The following ANKS1B variants were observed in gnomAD, a reference collection of about 807,000 sequenced individuals.
ANKS1B encodes ankyrin repeat and sterile alpha motif domain-containing protein 1B.
Under a neutral mutation model 148.3 loss-of-function variants are expected in ANKS1B, and 36 were observed. That is an observed-to-expected ratio of 0.24 (90% CI 0.19 to 0.32). ANKS1B has a LOEUF of 0.32. Among genes scored for constraint, ANKS1B ranks in the 10% least tolerant of loss-of-function variants. The probability of loss-of-function intolerance (pLI) is 1.00; values close to 1 mark genes in which losing one functional copy is unlikely to be tolerated. For synonymous variants in ANKS1B, 542 were observed against 560.8 expected, an observed-to-expected ratio of 0.97 and a Z score of 0.47; for missense variants, 1,157 against 1,542.6, an observed-to-expected ratio of 0.75 and a Z score of 4.19.
At chr12:99,323,795 G>A (rs2085777691) in intron 12 of ANKS1B, among the ~76,000 whole-genome samples, 1 of 152,184 alleles carries the variant, frequency 6.6e-6, no homozygotes, top group South Asian at 2.1e-4. Context: ...AGATCAATAT[G>A]TAGGTAAGAG....
intron 8 of ANKS1B, among the ~76,000 whole-genome samples, chr12:99,693,049 T>C (rs2053355633): frequency 6.6e-6 from 1 of 152,026 alleles, no homozygotes; most frequent in African/African-American, 2.4e-5. Flanking sequence ...CCCTGGAAAA[T>C]ACAACTGACA....
At chr12:98,790,088 T>A (rs1052939117) in intron 22 of ANKS1B, among the ~76,000 whole-genome samples, 2 of 152,082 alleles carry the variant, frequency 1.3e-5, no homozygotes, top group African/African-American at 2.4e-5. Context: ...TGTAATAAAA[T>A]TTTAAAAATG....
chr12:98,902,345 C>A (rs1308666222), intron 17 of ANKS1B, among the ~76,000 whole-genome samples: 1 of 152,178 alleles, frequency 6.6e-6, no homozygotes, highest in Non-Finnish European at 1.5e-5. Context: ...CTTTAAGCAA[C>A]AGAACAGCCA....
At chr12:99,741,389 T>A (rs1432629054) in intron 8 of ANKS1B, among the ~76,000 whole-genome samples, 1 of 152,100 alleles carries the variant, frequency 6.6e-6, no homozygotes, top group East Asian at 1.9e-4. Context: ...GCAATCCCAT[T>A]ACTGGGTATA....
At chr12:99,115,971 A>G (rs1042157408) in intron 15 of ANKS1B, among the ~76,000 whole-genome samples, 1 of 149,854 alleles carries the variant, frequency 6.7e-6, no homozygotes, top group Non-Finnish European at 1.5e-5. Context: ...CTTAAGCTGG[A>G]TTGCCTGTGT....
At chr12:98,774,035 C>T (rs1458730346) in intron 24 of ANKS1B, among the ~76,000 whole-genome samples, 1 of 152,216 alleles carries the variant, frequency 6.6e-6, no homozygotes, top group Non-Finnish European at 1.5e-5. Flanking sequence ...TCCGTGGAAA[C>T]TAAGGTGCAG....
At chr12:99,109,028 A>G (rs2059774660) in intron 15 of ANKS1B, among the ~76,000 whole-genome samples, 1 of 152,158 alleles carries the variant, frequency 6.6e-6, no homozygotes. Flanking sequence ...AGGTGGAATT[A>G]AAGCTTAAAT....
At chr12:99,966,634 G>A (rs1272481485) in intron 1 of ANKS1B, among the ~76,000 whole-genome samples, 1 of 152,076 alleles carries the variant, frequency 6.6e-6, no homozygotes, top group Non-Finnish European at 1.5e-5. Context: ...TTTTGTAAGG[G>A]CCTAGAGAGA....
intron 22 of ANKS1B, among the ~76,000 whole-genome samples, chr12:98,782,669 C>T (rs1234956579): frequency 6.6e-6 from 1 of 152,128 alleles, no homozygotes; most frequent in Non-Finnish European, 1.5e-5. Flanking sequence ...TTTGGCACAA[C>T]ATCTTTTTGA....
intron 8 of ANKS1B, among the ~76,000 whole-genome samples, chr12:99,706,100 A>T (rs2055718103): frequency 6.6e-6 from 1 of 152,084 alleles, no homozygotes; most frequent in South Asian, 2.1e-4. Context: ...TGTGTTAAAG[A>T]GATAGTCATG....
At chr12:99,511,306 C>T (rs1005882253) in intron 9 of ANKS1B, among the ~76,000 whole-genome samples, 1 of 151,974 alleles carries the variant, frequency 6.6e-6, no homozygotes, top group African/African-American at 2.4e-5. Flanking sequence ...AATGAACTGC[C>T]ATTCACAACT....
chr12:99,699,260 G>C (rs2054425794), intron 8 of ANKS1B, among the ~76,000 whole-genome samples: 1 of 152,158 alleles, frequency 6.6e-6, no homozygotes, highest in South Asian at 2.1e-4. Context: ...TAATGGAAGA[G>C]AAGTCACCAT....
chr12:99,620,947 C>T (rs1764484676), intron 9 of ANKS1B, among the ~76,000 whole-genome samples: 1 of 152,058 alleles, frequency 6.6e-6, no homozygotes, highest in Non-Finnish European at 1.5e-5. Flanking sequence ...ATCATCAAGG[C>T]ATATAGTCAC....
intron 19 of ANKS1B, 48 bp from the exon 20 acceptor site, chr12:98,807,966 G>T (rs762801233): frequency 6.2e-6 from 9 of 1,454,318 alleles, no homozygotes; most frequent in Non-Finnish European, 8.6e-6. Flanking sequence ...TTAAAACATG[G>T]CAGCTACCAA....
chr12:99,107,871 C>T lies in ANKS1B; in HGVS notation c.2527-22848G>A, dbSNP rs186813037. ...ATATCTAGAGAACAGAAGTGCTAGA[C>T]GAAGAGAGAAATAAACACACACAAT... On this transcript the variant is annotated intron_variant, in intron 15 of 26. Coordinates refer to ENST00000683438, the MANE Select transcript of ANKS1B (RefSeq NM_001352186.2). Among the ~76,000 whole-genome samples the T allele has an allele frequency of 2.3e-4, 35 of 151,484 alleles. No homozygotes were observed. The East Asian group carries it at 5.5e-3, about 24-fold the overall frequency.
intron 14 of ANKS1B, among the ~76,000 whole-genome samples, chr12:99,193,311 T>A (rs2080975214): frequency 6.6e-6 from 1 of 152,154 alleles, no homozygotes; most frequent in African/African-American, 2.4e-5. Flanking sequence ...TATCGACCTA[T>A]CTCACCTGAA....
At chr12:99,147,195 G>A (rs1359164947) in intron 15 of ANKS1B, among the ~76,000 whole-genome samples, 1 of 152,064 alleles carries the variant, frequency 6.6e-6, no homozygotes, top group Non-Finnish European at 1.5e-5. Context: ...TACTATAGAA[G>A]GAGAGTTCCT....
chr12:99,371,968 A>G (rs949791915), intron 12 of ANKS1B, among the ~76,000 whole-genome samples: 1 of 152,144 alleles, frequency 6.6e-6, no homozygotes, highest in East Asian at 1.9e-4. Flanking sequence ...TTTCTTTAAA[A>G]TTGGTGACAC....
downstream of ANKS1B, among the ~76,000 whole-genome samples, chr12:98,742,635 A>G (rs1240627384): frequency 6.6e-6 from 1 of 152,254 alleles, no homozygotes; most frequent in East Asian, 1.9e-4. Context: ...TATTTCGACC[A>G]CAAAATTAAG....
Sources: allele counts gnomAD v4.1 joint callset (sites outside exome capture counted in the v4.1 genomes callset), GRCh38; gene constraint gnomAD v4.1.1; transcripts MANE v1.5; gene names NCBI Gene and HGNC (gene_info 2026-07-23, HGNC 2026-07-21).